SGIP1: variants seen among roughly 807,000 people sequenced by gnomAD.
The protein encoded by SGIP1 is SH3-containing GRB2-like protein 3-interacting protein 1.
SGIP1 carries 38 observed loss-of-function variants against 107.5 expected under a neutral mutation model. That is an observed-to-expected ratio of 0.35 (90% confidence interval 0.27 to 0.46). The LOEUF (loss-of-function observed/expected upper bound fraction) is 0.46, where lower values mean the gene tolerates loss of function less well. SGIP1 is among the 20% of genes least tolerant of loss of function. The pLI, the probability that SGIP1 is intolerant of heterozygous loss-of-function variation, is 1.00. For missense variants in SGIP1, 929 were observed against 1,019.5 expected (o/e 0.91, Z 1.21); for synonymous variants, 365 against 366.1 (o/e 1.00, Z 0.03).
At chr1:66,561,883 G>A (rs947945733) in intron 1 of SGIP1, among the ~76,000 whole-genome samples, 4 of 151,990 alleles carry the variant, frequency 2.6e-5, no homozygotes, top group Admixed American at 1.3e-4. Context: ...CAGCGTTATA[G>A]AAAAGTTACA....
rs377199727 is a variant in SGIP1, at chr1:66,750,299, A to G, written c.*7204A>G. Among the ~76,000 whole-genome samples, 8 of 152,288 alleles carry G rather than the reference A, an allele frequency of 5.3e-5. No homozygotes were observed. The South Asian group carries it at 8.3e-4, about 16-fold the overall frequency. On this transcript the variant is annotated 3_prime_UTR_variant, in exon 25 of 25. Transcript: ENST00000371037. ...TGTATAGTAAAAGATCATATGAATT[A>G]AATACTCGGATATTAATTTTCATTC...
At chr1:66,564,344 A>G (rs1055821661) in intron 1 of SGIP1, among the ~76,000 whole-genome samples, 7 of 151,892 alleles carry the variant, frequency 4.6e-5, no homozygotes, top group Non-Finnish European at 8.8e-5. Context: ...TGCTGTCATG[A>G]CTTATGCCTC....
intron 1 of SGIP1, among the ~76,000 whole-genome samples, chr1:66,575,580 T>G (rs1338099415): frequency 6.6e-6 from 1 of 152,150 alleles, no homozygotes; most frequent in Non-Finnish European, 1.5e-5. Context: ...TCATTGTGGG[T>G]CTTCAGGAAA....
intron 1 of SGIP1, among the ~76,000 whole-genome samples, chr1:66,556,764 A>G (rs980650902): frequency 6.6e-6 from 1 of 151,942 alleles, no homozygotes; most frequent in African/African-American, 2.4e-5. Context: ...TGAACCCATC[A>G]TGGCTAAAAT....
At chr1:66,622,567 T>TTGTG in intron 1 of SGIP1, among the ~76,000 whole-genome samples, 1 of 151,724 alleles carries the variant, frequency 6.6e-6, no homozygotes, top group East Asian at 1.9e-4. Flanking sequence ...ATATTTAATT[T>TTGTG]TGTGTGTGTG....
At chr1:66,712,916 T>C (rs566620470) in intron 18 of SGIP1, among the ~76,000 whole-genome samples, 57 of 152,258 alleles carry the variant, frequency 3.7e-4, no homozygotes, top group Admixed American at 2.4e-3. Context: ...AAAGTGTGCA[T>C]GTCAATTGCT....
intron 1 of SGIP1, among the ~76,000 whole-genome samples, chr1:66,592,144 G>A (rs555861928): frequency 2.6e-4 from 39 of 152,242 alleles, no homozygotes; most frequent in African/African-American, 8.2e-4. Context: ...TACCGATGTC[G>A]GGCTGGGGGA....
chr1:66,633,412 G>A (rs2149401557), intron 3 of SGIP1, among the ~76,000 whole-genome samples: 1 of 152,284 alleles, frequency 6.6e-6, no homozygotes. Context: ...TGATGTAAAA[G>A]CTCATTATGG....
chr1:66,693,907 G>A (rs1469502654), intron 17 of SGIP1, among the ~76,000 whole-genome samples: 1 of 152,214 alleles, frequency 6.6e-6, no homozygotes, highest in Non-Finnish European at 1.5e-5. Flanking sequence ...TATTGATGAG[G>A]CTGAAATGGG....
At chr1:66,729,629 G>A (rs1016630468) in intron 20 of SGIP1, among the ~76,000 whole-genome samples, 2 of 152,166 alleles carry the variant, frequency 1.3e-5, no homozygotes, top group African/African-American at 2.4e-5. Context: ...ATGCATATAC[G>A]TGTTTTAATG....
chr1:66,593,900 A>G (rs2064122395), intron 1 of SGIP1, among the ~76,000 whole-genome samples: 3 of 152,230 alleles, frequency 2.0e-5, no homozygotes, highest in Non-Finnish European at 2.9e-5. Context: ...AAGAGATTCC[A>G]ACATACTTTA....
intron 1 of SGIP1, among the ~76,000 whole-genome samples, chr1:66,622,726 C>A (rs1024469309): frequency 2.0e-5 from 3 of 152,152 alleles, no homozygotes; most frequent in Non-Finnish European, 4.4e-5. Context: ...GAGAACCATT[C>A]TAACCCCAGA....
At chr1:66,536,468 C>A (rs2053632130) in intron 1 of SGIP1, among the ~76,000 whole-genome samples, 1 of 152,194 alleles carries the variant, frequency 6.6e-6, no homozygotes, top group African/African-American at 2.4e-5. Flanking sequence ...CAGTTGCCTT[C>A]CAACTTAGTT....
chr1:66,604,831 G>A (rs1014563139), intron 1 of SGIP1, among the ~76,000 whole-genome samples: 6 of 152,162 alleles, frequency 3.9e-5, no homozygotes, highest in Admixed American at 1.3e-4. Flanking sequence ...AGTTCTTTCC[G>A]CTCCCTCAAG....
At chr1:66,572,938 A>G (rs2060576627) in intron 1 of SGIP1, among the ~76,000 whole-genome samples, 2 of 152,122 alleles carry the variant, frequency 1.3e-5, no homozygotes, top group African/African-American at 4.8e-5. Flanking sequence ...ATATTGTGTC[A>G]AGTGAAAGGA....
At chr1:66,734,400 T>A (rs12138266) in intron 21 of SGIP1, among the ~76,000 whole-genome samples, 40,724 of 151,884 alleles carry the variant, frequency 0.27, 5,605 homozygotes, top group South Asian at 0.31. Context: ...TGCCCTTATC[T>A]CAAATTATTA....
At chr1:66,710,237 T>C (rs1449405438) in intron 18 of SGIP1, among the ~76,000 whole-genome samples, 1 of 152,160 alleles carries the variant, frequency 6.6e-6, no homozygotes, top group Admixed American at 6.6e-5. Context: ...GCTCTCATGA[T>C]ACAGTTCTTT....
chr1:66,591,191 T>C (rs2063560580), intron 1 of SGIP1, among the ~76,000 whole-genome samples: 1 of 152,196 alleles, frequency 6.6e-6, no homozygotes, highest in African/African-American at 2.4e-5. Context: ...ACATTCTGAA[T>C]TTGGTCTGGA....
intron 1 of SGIP1, among the ~76,000 whole-genome samples, chr1:66,549,927 T>A (rs2057139819): frequency 6.6e-6 from 1 of 152,148 alleles, no homozygotes; most frequent in South Asian, 2.1e-4. Context: ...AAACCCAACA[T>A]CACAACTGCC....
Sources: allele counts gnomAD v4.1 joint callset (sites outside exome capture counted in the v4.1 genomes callset), GRCh38; gene constraint gnomAD v4.1.1; transcripts MANE v1.5; gene names NCBI Gene and HGNC (gene_info 2026-07-23, HGNC 2026-07-21).